The following YTHDC2 variants were observed in gnomAD, a reference collection of about 807,000 sequenced individuals.
YTHDC2 encodes YTH N6-methyladenosine RNA binding protein C2, also known as 3'-5' RNA helicase YTHDC2.
Under a neutral mutation model 174.9 loss-of-function variants are expected in YTHDC2, and 45 were observed. That is an observed-to-expected ratio of 0.26 (90% CI 0.20 to 0.33). The LOEUF (loss-of-function observed/expected upper bound fraction) is 0.33. YTHDC2 is among the 10% of genes least tolerant of loss of function. YTHDC2 has a pLI of 1.00. For missense variants in YTHDC2, 1,650 were observed against 1,723.7 expected (o/e 0.96, Z 0.76); for synonymous variants, 657 against 574.5 (o/e 1.14, Z -2.05).
At chr5:113,538,336 G>A (rs1394316974) in intron 7 of YTHDC2, among the ~76,000 whole-genome samples, 4 of 152,078 alleles carry the variant, frequency 2.6e-5, no homozygotes, top group African/African-American at 2.4e-5. Context: ...ACTTTACTGA[G>A]CTTAAATCTT....
Position 113,591,196 on chromosome 5 carries a change from C to T in YTHDC2, c.3981C>T (p.Ser1327=), listed in dbSNP as rs1438571352. The part of the protein sequence containing the change: ...ERKLNRAFWE[S]SIVYLVFSVQ... The stretch of plus-strand genomic sequence containing the variant: ...AGCTAAATCGAGCCTTTTGGGAAAG[C>T]AGCATAGTTTACTTGGTATTTTCTG... Residue 1327 remains serine (S), a synonymous_variant, in exon 27 of 30, where the codon AGC becomes AGT. Transcript: ENST00000161863. 6.2e-7 allele frequency: 1 copy of T among 1,613,914 alleles called. No homozygotes were observed. The highest frequency in any genetic ancestry group is 1.1e-5 in the South Asian group (1 of 91,078).
intron 28 of YTHDC2, 43 bp from the exon 29 acceptor site, chr5:113,593,260 C>T (rs1313270635): frequency 6.6e-7 from 1 of 1,515,246 alleles, no homozygotes; most frequent in Non-Finnish European, 9.1e-7. Context: ...AAAATTTTCA[C>T]TCCAGTTCTT....
intron 6 of YTHDC2, among the ~76,000 whole-genome samples, 176 bp downstream of exon 6, chr5:113,534,583 T>C (rs1447842768): frequency 6.6e-6 from 1 of 152,174 alleles, no homozygotes; most frequent in Non-Finnish European, 1.5e-5. Flanking sequence ...TTATTTTTTG[T>C]CTATAATTAT....
In YTHDC2 at chr5:113,591,066, C is replaced by G. The variant is rs753244125; in HGVS notation, c.3851C>G (p.Pro1284Arg). The G allele has an allele frequency of 6.2e-7, 1 of 1,613,728 alleles. No individual in the cohort carries two copies. The highest frequency in any genetic ancestry group is 1.1e-5 in the South Asian group (1 of 91,042). Residue 1284 changes from proline to arginine, a missense_variant, in exon 27 of 30, where the codon CCA becomes CGA. Coordinates refer to ENST00000161863, the MANE Select transcript of YTHDC2 (RefSeq NM_022828.5). ...GGCTCAAAATCTCCTTCGCCAAGAC[C>G]AAACATGCCTGTTCGATACTTCATA... ...GKGSKSPSPR[P>R]NMPVRYFIMK...
At chr5:113,548,175 A>G (rs1298584265) in intron 10 of YTHDC2, among the ~76,000 whole-genome samples, 2 of 152,208 alleles carry the variant, frequency 1.3e-5, no homozygotes, top group African/African-American at 4.8e-5. Flanking sequence ...TTATTTAATT[A>G]TGTCTTGTCA....
chr5:113,514,322 A>AATTC, intron 1 of YTHDC2: 1 of 692,446 alleles, frequency 1.4e-6, no homozygotes, highest in Non-Finnish European at 2.6e-6. Flanking sequence ...TCCCTAGCTG[A>AATTC]AAGTGTTTTT....
intron 7 of YTHDC2, among the ~76,000 whole-genome samples, chr5:113,537,641 G>T (rs1775175149): frequency 6.6e-6 from 1 of 151,038 alleles, no homozygotes. Flanking sequence ...AGGTATTGGA[G>T]ATGCATAGTT....
At chr5:113,550,764 T>A (rs967346873) in intron 12 of YTHDC2, among the ~76,000 whole-genome samples, 2 of 152,150 alleles carry the variant, frequency 1.3e-5, no homozygotes, top group African/African-American at 2.4e-5. Context: ...ACTATGTATA[T>A]GTATTGCTTT....
chr5:113,535,073 T>A (rs1349409111), intron 6 of YTHDC2, among the ~76,000 whole-genome samples: 1 of 152,164 alleles, frequency 6.6e-6, no homozygotes. Flanking sequence ...ACTTATAATT[T>A]TTTGTAGTTT....
chr5:113,528,074 T>C (rs1774398007), intron 4 of YTHDC2, among the ~76,000 whole-genome samples: 1 of 152,210 alleles, frequency 6.6e-6, no homozygotes, highest in African/African-American at 2.4e-5. Flanking sequence ...TAAGTATTAA[T>C]TGTAGCAGTT....
At chr5:113,517,148 C>T (rs373445627) in intron 2 of YTHDC2, among the ~76,000 whole-genome samples, 2 of 152,104 alleles carry the variant, frequency 1.3e-5, no homozygotes, top group Non-Finnish European at 2.9e-5. Context: ...CACCTTTAGT[C>T]ACATTTATAT....
chr5:113,563,690 C>G lies in YTHDC2; in HGVS notation c.2443-169C>G, dbSNP rs376969306. Among the ~76,000 whole-genome samples, 9 of 152,148 alleles carry G rather than the reference C, an allele frequency of 5.9e-5. No homozygotes were observed. In the South Asian group the frequency reaches 1.5e-3, roughly 25 times the overall value. On this transcript the variant is annotated intron_variant, in intron 19 of 29. Transcript: ENST00000161863. Reference sequence around the variant, plus strand: ...TTAAATAATATTGTCATGTATGAAACAGTAGATATAGTTCTTTTATATAGT... The same window carrying G: ...TTAAATAATATTGTCATGTATGAAAGAGTAGATATAGTTCTTTTATATAGT...
intron 21 of YTHDC2, among the ~76,000 whole-genome samples, chr5:113,566,873 C>T (rs1777365376): frequency 1.4e-5 from 2 of 147,634 alleles, no homozygotes; most frequent in Admixed American, 1.4e-4. Flanking sequence ...TTAATCTAAC[C>T]TGAGCAGATC....
chr5:113,555,159 A>G lies in YTHDC2; in HGVS notation c.2134-893A>G, dbSNP rs556457469. On this transcript the variant is annotated intron_variant, in intron 16 of 29. Transcript: ENST00000161863. ...ATTGCCCTAAAATTACCTAAAGTGGATAAAGTGGGTTTTGAATATTTTAGA... is the reference window on the plus strand; with the variant it reads ...ATTGCCCTAAAATTACCTAAAGTGGGTAAAGTGGGTTTTGAATATTTTAGA... Among the ~76,000 whole-genome samples the G allele has an allele frequency of 9.2e-5, 14 of 152,116 alleles. No homozygotes were observed. The South Asian group carries it at 2.7e-3, about 29-fold the overall frequency.
intron 8 of YTHDC2, among the ~76,000 whole-genome samples, chr5:113,540,535 G>T (rs1775380055): frequency 6.6e-6 from 1 of 152,226 alleles, no homozygotes; most frequent in East Asian, 1.9e-4. Flanking sequence ...AAGGCAAAGG[G>T]GAAGCAAGGA....
chr5:113,587,721 C>T (rs1477068269), intron 26 of YTHDC2, among the ~76,000 whole-genome samples: 3 of 150,610 alleles, frequency 2.0e-5, no homozygotes, highest in African/African-American at 4.9e-5. Context: ...TTATCTTCTT[C>T]AATATTATTT....
chr5:113,570,133 G>A (rs1273661183), intron 23 of YTHDC2, among the ~76,000 whole-genome samples: 1 of 151,858 alleles, frequency 6.6e-6, no homozygotes, highest in Non-Finnish European at 1.5e-5. Flanking sequence ...GTCTTGCTCT[G>A]TCACCCAGGC....
At position 113,563,430 on chromosome 5, in the gene YTHDC2, C is replaced by G. The variant is rs752619076; in HGVS notation, c.2380C>G (p.Leu794Val). ...AGTTAATTGTCCCATTGCTGATTTT[C>G]TTATGAAAGCTCCTGAACCTCCACC... Reference protein sequence around the residue: ...APVNCPIADFLMKAPEPPPAL... With the variant: ...APVNCPIADFVMKAPEPPPAL... The change falls in exon 19 of 30, where the codon CTT becomes GTT. Residue 794 changes from leucine (L) to valine (V), a missense_variant. Leu to Val is a conservative substitution (Grantham distance 32, BLOSUM62 1). Coordinates refer to ENST00000161863, the MANE Select transcript of YTHDC2 (RefSeq NM_022828.5). 6.2e-7 allele frequency: 1 copy of G among 1,611,418 alleles called. No homozygotes were observed. Among genetic ancestry groups the G allele is most frequent in the South Asian group, 1.1e-5 (1 of 90,508 alleles).
At chr5:113,527,608 A>G (rs1774354124) in intron 4 of YTHDC2, among the ~76,000 whole-genome samples, 1 of 152,192 alleles carries the variant, frequency 6.6e-6, no homozygotes, top group African/African-American at 2.4e-5. Context: ...GGCTTAGTAG[A>G]TAAGGCAAGG....
Sources: gnomAD v4.1 joint callset for allele counts (sites outside exome capture counted in the v4.1 genomes callset) on GRCh38, gnomAD v4.1.1 for gene constraint, MANE v1.5 for transcripts, NCBI Gene and HGNC (gene_info 2026-07-23, HGNC 2026-07-21) for gene names.